The following RNF17 variants were observed in gnomAD, a reference collection of about 807,000 sequenced individuals.
RNF17 encodes the protein spermatogenesis associated 23.
A neutral mutation model predicts 200.5 loss-of-function variants in RNF17; 31 were observed. The ratio of observed to expected loss-of-function variants is 0.15; its 90% CI spans 0.12 to 0.21. The LOEUF is 0.21. Among genes scored for constraint, RNF17 ranks in the 10% least tolerant of loss-of-function variants. RNF17 has a pLI of 1.00. For missense variants in RNF17, 1,628 were observed against 1,905.1 expected (o/e 0.85, Z 2.71); for synonymous variants, 606 against 637.8 (o/e 0.95, Z 0.75).
chr13:24,886,264 C>T, the RNF17 span: 2 of 1,266,778 alleles, frequency 1.6e-6, no homozygotes, highest in Non-Finnish European at 2.1e-6. Flanking sequence ...GTGCCAGAAT[C>T]TGACCTCCAT....
At chr13:24,816,370 A>T (rs138027957) in intron 15 of RNF17, among the ~76,000 whole-genome samples, 10 of 152,284 alleles carry the variant, frequency 6.6e-5, no homozygotes, top group African/African-American at 2.2e-4. Flanking sequence ...TCTTTGGCCT[A>T]GTTAAAACTT....
At chr13:24,792,211 G>T (rs1056459475) in intron 9 of RNF17, among the ~76,000 whole-genome samples, 6 of 152,132 alleles carry the variant, frequency 3.9e-5, no homozygotes, top group African/African-American at 1.4e-4. Context: ...CATCTGTACT[G>T]ATCTTCTACT....
At chr13:24,861,581 A>G (rs887692405) in intron 27 of RNF17, among the ~76,000 whole-genome samples, 194 bp downstream of exon 27, 2 of 152,234 alleles carry the variant, frequency 1.3e-5, no homozygotes, top group Admixed American at 6.5e-5. Flanking sequence ...AGGCTGTAAA[A>G]CATCTGAATA....
the RNF17 span, among the ~76,000 whole-genome samples, chr13:24,748,757 T>TG: frequency 6.6e-6 from 1 of 151,658 alleles, no homozygotes; most frequent in Non-Finnish European, 1.5e-5. Context: ...TTTTTTGTTT[T>TG]TTTTTTGAGA....
intron 33 of RNF17, among the ~76,000 whole-genome samples, chr13:24,874,554 T>G (rs989298275): frequency 6.6e-6 from 1 of 151,848 alleles, no homozygotes; most frequent in African/African-American, 2.4e-5. Flanking sequence ...GAATTACAGG[T>G]GCCCGCCACC....
chr13:24,749,941 G>A, the RNF17 span, among the ~76,000 whole-genome samples: 51 of 152,156 alleles, frequency 3.4e-4, no homozygotes, highest in Non-Finnish European at 6.3e-4. Context: ...TAGTAGAGAC[G>A]GAGTTTCGCC....
intron 19 of RNF17, among the ~76,000 whole-genome samples, chr13:24,843,001 AAAAAG>A (rs1222751659): frequency 1.1e-4 from 17 of 151,968 alleles, no homozygotes; most frequent in Non-Finnish European, 1.9e-4. Flanking sequence ...AAAAAAAAGA[AAAAAG>A]AAAGCCAGTA....
In RNF17 at chr13:24,769,188, TA is replaced by T. The variant is rs564459527; in HGVS notation, c.225+1834del. The stretch of plus-strand genomic sequence containing the variant: ...GTCCATATCCGTCCTGTTCTAATAT[TA>T]AAAAAAAAAAAGACTTGGCAAATGA... On this transcript the variant is annotated intron_variant, in intron 2 of 35. Coordinates refer to ENST00000255324, the MANE Select transcript of RNF17 (RefSeq NM_031277.3). Among the ~76,000 whole-genome samples, 1,426 of 142,604 alleles carry T rather than the reference TA, an allele frequency of 1.0e-2. 15 individuals carry two copies. The highest frequency in any genetic ancestry group is 0.028 in the African/African-American group (1,100 of 39,222). The allele number at this position is 142,604 out of a possible 152,430, so 93.6% of individuals were successfully genotyped here. A position where few individuals can be genotyped will look rare whatever the true frequency, so the allele number is the denominator to read the frequency against.
Position 24,830,494 on chromosome 13 carries a change from A to AAAAAACTT in RNF17, c.2256_2257insAAAAACTT (p.His753LysfsTer20). The AAAAAACTT allele has an allele frequency of 6.3e-7, 1 of 1,589,546 alleles. No homozygotes were observed. The highest frequency in any genetic ancestry group is 8.6e-7 in the Non-Finnish European group (1 of 1,164,660). ...TCATAATTTTTCAAGGATTGCCTGG[A>AAAAAACTT]CATCAGGAAGTTGAAGTTAAATATG... On this transcript the variant is annotated frameshift_variant, in exon 17 of 36. Coordinates refer to ENST00000255324, the MANE Select transcript of RNF17 (RefSeq NM_031277.3). LOFTEE classifies it high-confidence loss of function.
At chr13:24,871,635 T>C (rs982898870) in intron 32 of RNF17, among the ~76,000 whole-genome samples, 2 of 64,314 alleles carry the variant, frequency 3.1e-5, no homozygotes, top group African/African-American at 1.6e-4. Context: ...TGCCCAGCCT[T>C]TTTTTTTTTT....
At chr13:24,776,835 T>C (rs944182928) in intron 3 of RNF17, among the ~76,000 whole-genome samples, 1 of 152,130 alleles carries the variant, frequency 6.6e-6, no homozygotes, top group Non-Finnish European at 1.5e-5. Flanking sequence ...ATCTTTTTTT[T>C]CTCAAGACAA....
the RNF17 span, chr13:24,885,133 G>A: frequency 4.1e-4 from 266 of 654,760 alleles, no homozygotes; most frequent in Middle Eastern, 1.6e-3. Context: ...ATTGTATGCC[G>A]CCTTTTGCTG....
intron 20 of RNF17, among the ~76,000 whole-genome samples, chr13:24,844,201 A>G (rs1890990086): frequency 6.6e-6 from 1 of 152,218 alleles, no homozygotes; most frequent in African/African-American, 2.4e-5. Flanking sequence ...TATGATAACC[A>G]GTATTATAAG....
intron 2 of RNF17, among the ~76,000 whole-genome samples, chr13:24,769,556 A>C (rs1880361954): frequency 6.6e-6 from 1 of 152,200 alleles, no homozygotes; most frequent in Admixed American, 6.5e-5. Flanking sequence ...TTTAAACTTT[A>C]GATTTGTATT....
chr13:24,830,351 T>G, intron 16 of RNF17, 133 bp from the exon 17 acceptor site: 1 of 559,356 alleles, frequency 1.8e-6, no homozygotes, highest in Non-Finnish European at 3.2e-6. Context: ...AAATATTTTT[T>G]ACATTTTAAA....
chr13:24,815,304 G>A (rs12428725), intron 15 of RNF17, among the ~76,000 whole-genome samples: 18,865 of 151,914 alleles, frequency 0.12, 1,282 homozygotes, highest in Admixed American at 0.15. Context: ...TGTTGTAAAC[G>A]GAATTGCTTT....
the RNF17 span, chr13:24,885,492 A>G: frequency 2.1e-5 from 25 of 1,178,834 alleles, no homozygotes; most frequent in African/African-American, 2.7e-4. Flanking sequence ...AACATTTATA[A>G]TGTTAAGTAA....
intron 18 of RNF17, among the ~76,000 whole-genome samples, chr13:24,833,259 A>AACT (rs1231859850): frequency 6.6e-6 from 1 of 152,232 alleles, no homozygotes; most frequent in East Asian, 1.9e-4. Context: ...TGGAGCCTAG[A>AACT]AATGAATTGC....
intron 1 of RNF17, 42 bp from the exon 2 acceptor site, chr13:24,767,227 AATC>A (rs142005435): frequency 3.0e-5 from 39 of 1,307,816 alleles, no homozygotes; most frequent in Non-Finnish European, 3.5e-5. Context: ...CTGTCTCAAT[AATC>A]ATCATCATCA....
Sources: gnomAD v4.1 joint callset for allele counts (sites outside exome capture counted in the v4.1 genomes callset) on GRCh38, gnomAD v4.1.1 for gene constraint, MANE v1.5 for transcripts, NCBI Gene and HGNC (gene_info 2026-07-23, HGNC 2026-07-21) for gene names.